The following NTRK3 variants were observed in gnomAD, a reference collection of about 807,000 sequenced individuals.
The protein encoded by NTRK3 is neurotrophic receptor tyrosine kinase 3.
A neutral mutation model predicts 91.7 loss-of-function variants in NTRK3; 24 were observed. The ratio of observed to expected loss-of-function variants is 0.26; its 90% CI spans 0.19 to 0.37. The LOEUF (loss-of-function observed/expected upper bound fraction) is 0.37, where lower values mean the gene tolerates loss of function less well. NTRK3 is among the 10% of genes least tolerant of loss of function. The probability of loss-of-function intolerance (pLI) is 1.00; values close to 1 mark genes in which losing one functional copy is unlikely to be tolerated. For synonymous variants in NTRK3, 483 were observed against 404.0 expected, an observed-to-expected ratio of 1.20 and a Z score of -2.34; for missense variants, 880 against 1,068.9, an observed-to-expected ratio of 0.82 and a Z score of 2.46.
intron 5 of NTRK3, among the ~76,000 whole-genome samples, chr15:88,178,295 C>G (rs954465893): frequency 6.6e-6 from 1 of 152,208 alleles, no homozygotes; most frequent in African/African-American, 2.4e-5. Context: ...ATTTATAATA[C>G]ATAATAAATC....
intron 14 of NTRK3, among the ~76,000 whole-genome samples, chr15:87,993,706 C>T (rs142811996): frequency 6.6e-6 from 1 of 152,136 alleles, no homozygotes; most frequent in Non-Finnish European, 1.5e-5. Flanking sequence ...TAGCAGATAC[C>T]AGCAAATGTA....
chr15:87,942,292 C>A (rs1435401), intron 14 of NTRK3, among the ~76,000 whole-genome samples: 16 of 152,326 alleles, frequency 1.1e-4, no homozygotes, highest in African/African-American at 3.8e-4. Flanking sequence ...GGCTGCAATG[C>A]GGCTGCTACA....
intron 14 of NTRK3, among the ~76,000 whole-genome samples, chr15:87,977,036 CT>C (rs1344571061): frequency 3.9e-5 from 6 of 152,188 alleles, no homozygotes; most frequent in Non-Finnish European, 8.8e-5. Context: ...TCTCAGTGGC[CT>C]GAGTAGTGTC....
intron 13 of NTRK3, among the ~76,000 whole-genome samples, chr15:88,066,439 G>C (rs534723183): frequency 2.0e-5 from 3 of 152,286 alleles, no homozygotes; most frequent in African/African-American, 7.2e-5. Context: ...TAGAGAAATG[G>C]ACACACAGCC....
chr15:87,945,817 A>C (rs28704720), intron 14 of NTRK3, among the ~76,000 whole-genome samples: 19,127 of 148,604 alleles, frequency 0.13, 2,868 homozygotes, highest in African/African-American at 0.36. Flanking sequence ...AAAAAAAAAA[A>C]AAAAAAAAAA....
chr15:88,104,374 G>C (rs1314486644), intron 13 of NTRK3, among the ~76,000 whole-genome samples: 2 of 152,154 alleles, frequency 1.3e-5, no homozygotes, highest in Non-Finnish European at 2.9e-5. Context: ...CATTTCCTTA[G>C]AACAACGTTT....
intron 14 of NTRK3, among the ~76,000 whole-genome samples, chr15:88,016,059 C>T (rs1018879854): frequency 1.3e-5 from 2 of 151,778 alleles, no homozygotes; most frequent in Admixed American, 6.6e-5. Flanking sequence ...TACATGTCTG[C>T]GTATGTTATT....
intron 3 of NTRK3, among the ~76,000 whole-genome samples, chr15:88,210,730 GTTC>G (rs2141414163): frequency 6.6e-6 from 1 of 152,300 alleles, no homozygotes; most frequent in Non-Finnish European, 1.5e-5. Context: ...ATATCACTGA[GTTC>G]TTCTGATTTA....
At chr15:87,929,412 T>C (rs777287685) in exon 17 of NTRK3, 3 of 1,614,016 alleles carry the variant, frequency 1.9e-6, no homozygotes, top group Non-Finnish European at 2.5e-6. Context: ...TCCACAAGGA[T>C]CATTGCATCT....
intron 14 of NTRK3, among the ~76,000 whole-genome samples, chr15:87,993,938 A>T (rs1254251007): frequency 6.6e-6 from 1 of 152,224 alleles, no homozygotes; most frequent in Non-Finnish European, 1.5e-5. Flanking sequence ...ATAATTTTGC[A>T]AATACCTAAA....
chr15:88,053,017 A>C (rs939541660), intron 13 of NTRK3, among the ~76,000 whole-genome samples: 2 of 152,204 alleles, frequency 1.3e-5, no homozygotes, highest in Admixed American at 1.3e-4. Context: ...TCCCCTCAAC[A>C]GTGTCCATTT....
chr15:88,001,321 C>A (rs1218280290), intron 14 of NTRK3, among the ~76,000 whole-genome samples: 1 of 151,896 alleles, frequency 6.6e-6, no homozygotes, highest in Non-Finnish European at 1.5e-5. Context: ...TCCACTGAAG[C>A]AAAAAAGTTT....
intron 8 of NTRK3, 42 bp downstream of exon 8, chr15:88,136,425 A>G: frequency 6.2e-7 from 1 of 1,613,744 alleles, no homozygotes; most frequent in African/African-American, 1.3e-5. Context: ...CAGTGTGATC[A>G]CTCCCTAGCC....
intron 13 of NTRK3, among the ~76,000 whole-genome samples, chr15:88,102,840 G>T (rs565872469): frequency 6.6e-6 from 1 of 152,058 alleles, no homozygotes; most frequent in East Asian, 1.9e-4. Context: ...ACCCTTCAAG[G>T]CCTGTCTCTA....
At chr15:88,115,980 A>G (rs931313093) in intron 13 of NTRK3, among the ~76,000 whole-genome samples, 2 of 152,132 alleles carry the variant, frequency 1.3e-5, no homozygotes, top group Non-Finnish European at 1.5e-5. Flanking sequence ...AGCAAACAGG[A>G]TAAAGAAGTT....
chr15:87,887,687 C>T (rs559305810), intron 17 of NTRK3, among the ~76,000 whole-genome samples: 2 of 152,272 alleles, frequency 1.3e-5, no homozygotes, highest in African/African-American at 4.8e-5. Context: ...TCAAAGCCTT[C>T]CCCGGTAAAA....
chr15:88,241,350 G>A lies in NTRK3; in HGVS notation c.248+14556C>T, dbSNP rs1290475188. ...ACAGAAGGAGGGCAGGGGGATGTCA[G>A]TCACCTGGATGGGAGACACAGCCTG... On this transcript the variant is annotated intron_variant, in intron 3 of 18. Coordinates refer to ENST00000394480, the Ensembl canonical transcript of NTRK3. This position sits in a 1 kb window ranked among gnomAD's most constrained non-coding sequence, Gnocchi z 4.3. 6.6e-6 allele frequency among the ~76,000 whole-genome samples: 1 copy of A among 152,184 alleles called. No individual in the cohort carries two copies. The highest frequency in any genetic ancestry group is 2.4e-5 in the African/African-American group (1 of 41,446).
chr15:88,057,205 G>A (rs956733613), intron 13 of NTRK3, among the ~76,000 whole-genome samples: 1 of 149,848 alleles, frequency 6.7e-6, no homozygotes, highest in Non-Finnish European at 1.5e-5. Flanking sequence ...AAAAAGAAAT[G>A]TGTCCTGAGG....
At chr15:88,104,585 C>A (rs1778778698) in intron 13 of NTRK3, among the ~76,000 whole-genome samples, 1 of 152,218 alleles carries the variant, frequency 6.6e-6, no homozygotes, top group African/African-American at 2.4e-5. Context: ...GCTATCAGCA[C>A]TGAAGTTCAG....
Sources: gnomAD v4.1 joint callset for allele counts (sites outside exome capture counted in the v4.1 genomes callset) on GRCh38, gnomAD v4.1.1 for gene constraint, Gnocchi (gnomAD v3.1) non-coding constraint, MANE v1.5 for transcripts, NCBI Gene and HGNC (gene_info 2026-07-23, HGNC 2026-07-21) for gene names.